DNMT3A: variants seen among roughly 807,000 people sequenced by gnomAD.
The protein encoded by DNMT3A is DNA methyltransferase 3 alpha.
In DNMT3A, 267 loss-of-function variants were observed where a neutral mutation model predicts 117.6. The observed-to-expected ratio is 2.27, with a 90% CI of 2.05 to 2.51. The LOEUF is 2.51. Among genes scored for constraint, DNMT3A ranks in the 30% most tolerant of loss-of-function variants. The pLI is 0.00. For missense variants in DNMT3A, 1,029 were observed against 1,260.2 expected, an observed-to-expected ratio of 0.82 and a Z score of 2.78; for synonymous variants, 432 against 474.8, an observed-to-expected ratio of 0.91 and a Z score of 1.17.
chr2:25,285,570 G>A (rs1029039530), intron 3 of DNMT3A, among the ~76,000 whole-genome samples: 1 of 152,252 alleles, frequency 6.6e-6, no homozygotes, highest in Admixed American at 6.5e-5. Context: ...GGAGGCAGGG[G>A]GCTGCAACGA....
Position 25,260,124 on chromosome 2 carries a change from C to T in DNMT3A, c.640-11872G>A, listed in dbSNP as rs191138948. 1.4e-4 allele frequency among the ~76,000 whole-genome samples: 22 copies of T among 152,312 alleles called. No homozygotes were observed. The East Asian group carries it at 3.9e-3, about 27-fold the overall frequency. On this transcript the variant is annotated intron_variant, in intron 6 of 22. Coordinates refer to ENST00000321117, the MANE Select transcript of DNMT3A (RefSeq NM_022552.5). ...TAAATTCCCAACGTGATTAACCTGG[C>T]CCAGGTTTAAACAAAATGTGTAGAG...
At position 25,247,305 on chromosome 2, in the gene DNMT3A, C is replaced by A; in HGVS notation, c.1015-147G>T. On this transcript the variant is annotated intron_variant, in intron 8 of 22. Coordinates refer to ENST00000321117, the MANE Select transcript of DNMT3A (RefSeq NM_022552.5). The surrounding 1 kb of genome is among the most constrained non-coding windows in gnomAD (Gnocchi z 5.6). ...TACAGTGATAAATAATTACCCGATG[C>A]AAAGAGGAGTCCAGACCAAGAGTAG... 1 of 847,348 alleles carries A rather than the reference C, an allele frequency of 1.2e-6. No homozygotes were observed. The highest frequency in any genetic ancestry group is 1.8e-6 in the Non-Finnish European group (1 of 540,566). The allele number at this position is 847,348 out of a possible 1,614,324, so 52.5% of individuals were successfully genotyped here.
At chr2:25,272,663 G>T (rs2031016764) in intron 6 of DNMT3A, among the ~76,000 whole-genome samples, 1 of 152,138 alleles carries the variant, frequency 6.6e-6, no homozygotes, top group African/African-American at 2.4e-5. Context: ...ACGCACAGGG[G>T]TAAGTGCCTC....
chr2:25,291,977 G>A (rs147004559), intron 3 of DNMT3A, among the ~76,000 whole-genome samples: 2,192 of 152,318 alleles, frequency 0.014, 45 homozygotes, highest in African/African-American at 0.048. Flanking sequence ...TATGCTGGCT[G>A]GGTTCAGTGG....
intron 2 of DNMT3A, among the ~76,000 whole-genome samples, chr2:25,303,624 G>A (rs2033633007): frequency 2.6e-5 from 4 of 152,252 alleles, no homozygotes; most frequent in Admixed American, 2.6e-4. Flanking sequence ...GCATGCTTCT[G>A]GGTCGTGCTT....
chr2:25,295,332 C>T (rs574881947), intron 3 of DNMT3A, among the ~76,000 whole-genome samples: 11 of 152,366 alleles, frequency 7.2e-5, no homozygotes, highest in Non-Finnish European at 1.5e-4. Context: ...TCCTAAGCCC[C>T]GCCCTGCCCT....
intron 2 of DNMT3A, among the ~76,000 whole-genome samples, chr2:25,308,940 C>T (rs1014829724): frequency 1.3e-5 from 2 of 151,572 alleles, no homozygotes; most frequent in Admixed American, 6.6e-5. Flanking sequence ...AAGGAGGAAC[C>T]GCAGCCCCAA....
chr2:25,241,576 C>A lies in DNMT3A; in HGVS notation c.2068G>T (p.Val690Phe). 1 of 1,613,786 alleles carries A rather than the reference C, an allele frequency of 6.2e-7. No individual in the cohort carries two copies. Among genetic ancestry groups the A allele is most frequent in the Non-Finnish European group, 8.5e-7 (1 of 1,179,850 alleles). Residue 690 changes from valine (V) to phenylalanine (F), a missense_variant, in exon 17 of 23, where the codon GTC (valine) becomes TTC (phenylalanine). Transcript: ENST00000321117. Reference sequence around the variant, plus strand: ...CATGGACATACATGCTTCTGTGTGACGCTGCGGACGTCCCCGACGTACATG... The same window carrying A: ...CATGGACATACATGCTTCTGTGTGAAGCTGCGGACGTCCCCGACGTACATG... ...KIMYVGDVRS[V>F]TQKHIQEWGP... is the part of the protein sequence containing the mutation.
rs1211248790 is a variant in DNMT3A at position 25,232,022 on chromosome 2, G to T, written c.*2257C>A. The T allele has an allele frequency of 2.0e-5, 3 of 152,220 alleles. No individual in the cohort carries two copies. 9.4% of individuals were successfully genotyped at this position (152,220 alleles called of 1,614,324 possible). A position where few individuals can be genotyped will look rare whatever the true frequency, so the allele number is the denominator to read the frequency against. ...CCTGTGTATGCGTGTGAGATTGACTGATTGGTGTGGGGTTTAGGTCTGCAG... is the reference window on the plus strand; with the variant it reads ...CCTGTGTATGCGTGTGAGATTGACTTATTGGTGTGGGGTTTAGGTCTGCAG... On this transcript the variant is annotated 3_prime_UTR_variant, in exon 23 of 23. Transcript: ENST00000321117. The surrounding 1 kb of genome is among the most constrained non-coding windows in gnomAD (Gnocchi z 4.1).
intron 16 of DNMT3A, among the ~76,000 whole-genome samples, chr2:25,243,183 C>T (rs1674287059): frequency 6.6e-6 from 1 of 151,692 alleles, no homozygotes; most frequent in African/African-American, 2.4e-5. Context: ...TGGGTGCCTG[C>T]AGTCCCAGCT....
Position 25,324,083 on chromosome 2 carries a change from C to G in DNMT3A, c.-177-9922G>C, listed in dbSNP as rs554536211. On this transcript the variant is annotated intron_variant, in intron 1 of 22. Transcript: ENST00000321117. The stretch of plus-strand genomic sequence containing the variant: ...CAAAGTTTCCAGTCAGTCTCTCTCT[C>G]CTGGTCAGGCTTGTCTGCAGTGGGA... Among the ~76,000 whole-genome samples, 4 of 152,366 alleles carry G rather than the reference C, an allele frequency of 2.6e-5. No homozygotes were observed. In the South Asian group the frequency reaches 6.2e-4, roughly 24 times the overall value.
chr2:25,238,644 A>C (rs1185948908), intron 20 of DNMT3A, among the ~76,000 whole-genome samples: 1 of 152,240 alleles, frequency 6.6e-6, no homozygotes, highest in East Asian at 1.9e-4. Flanking sequence ...CTCTCCAAAA[A>C]AGGACCTGAA....
At chr2:25,312,129 C>T (rs1040067848) in intron 2 of DNMT3A, among the ~76,000 whole-genome samples, 21 of 152,152 alleles carry the variant, frequency 1.4e-4, no homozygotes, top group African/African-American at 4.3e-4. Flanking sequence ...AGTGGGGCGA[C>T]ACTCGGGGTC....
At chr2:25,290,650 A>G (rs1476971202) in intron 3 of DNMT3A, among the ~76,000 whole-genome samples, 1 of 152,148 alleles carries the variant, frequency 6.6e-6, no homozygotes, top group Non-Finnish European at 1.5e-5. Context: ...TTGCTTTACT[A>G]TAGTTATTTA....
At position 25,278,042 on chromosome 2, in the gene DNMT3A, C is replaced by CACACACACACACACACACACAAACAG. The variant is rs150400657; in HGVS notation, c.449-2500_449-2499insCTGTTTGTGTGTGTGTGTGTGTGTGT. 1.5e-3 allele frequency among the ~76,000 whole-genome samples: 221 copies of CACACACACACACACACACACAAACAG among 146,388 alleles called. 3 individuals carry two copies. Among genetic ancestry groups the CACACACACACACACACACACAAACAG allele is most frequent in the Middle Eastern group, 3.5e-3 (1 of 286 alleles). On this transcript the variant is annotated intron_variant, in intron 4 of 22. Coordinates refer to ENST00000321117, the MANE Select transcript of DNMT3A (RefSeq NM_022552.5). ...ACACACACACACACACACACACAGA[C>CACACACACACACACACACACAAACAG]ACACACGCTTTCCAGCCTGGCCGGG...
chr2:25,340,868 C>G (rs1397116616), intron 1 of DNMT3A, among the ~76,000 whole-genome samples: 3 of 142,630 alleles, frequency 2.1e-5, no homozygotes, highest in Non-Finnish European at 4.7e-5. Flanking sequence ...CGGCCCGGGC[C>G]CGGGCCCGGG....
intron 3 of DNMT3A, among the ~76,000 whole-genome samples, chr2:25,292,971 G>C (rs1191177827): frequency 6.6e-6 from 1 of 151,942 alleles, no homozygotes; most frequent in Non-Finnish European, 1.5e-5. Context: ...GGTGGCCCTG[G>C]GATGTGGAGA....
Position 25,290,882 on chromosome 2 carries a change from C to G in DNMT3A, c.178-8171G>C, listed in dbSNP as rs959189534. 7.2e-5 allele frequency among the ~76,000 whole-genome samples: 11 copies of G among 152,290 alleles called. No individual in the cohort carries two copies. The East Asian group carries it at 2.1e-3, about 29-fold the overall frequency. On this transcript the variant is annotated intron_variant, in intron 3 of 22. Coordinates refer to ENST00000321117, the MANE Select transcript of DNMT3A (RefSeq NM_022552.5). The stretch of plus-strand genomic sequence containing the variant: ...CTGGGAGCTCCTCTTGCCTTCTCCC[C>G]CAAAGCCCAGCAGATGCAGGGGCGA...
intron 2 of DNMT3A, among the ~76,000 whole-genome samples, chr2:25,307,395 T>G (rs2033837740): frequency 6.7e-6 from 1 of 150,126 alleles, no homozygotes; most frequent in African/African-American, 2.4e-5. Context: ...TGACCTCAGG[T>G]GACCTGCCCA....
Sources: allele counts gnomAD v4.1 joint callset (sites outside exome capture counted in the v4.1 genomes callset), GRCh38; gene constraint gnomAD v4.1.1; non-coding constraint Gnocchi (gnomAD v3.1); transcripts MANE v1.5; gene names NCBI Gene and HGNC (gene_info 2026-07-23, HGNC 2026-07-21).